ZNF440: variants seen among roughly 807,000 people sequenced by gnomAD.
ZNF440 encodes zinc finger protein 440.
ZNF440 carries 47 observed loss-of-function variants against 49.7 expected under a neutral mutation model. The ratio of observed to expected loss-of-function variants is 0.95; its 90% CI spans 0.75 to 1.21. The LOEUF is 1.21. Among genes scored for constraint, ZNF440 ranks in the 50% most tolerant of loss-of-function variants. The pLI is 0.00. For missense variants in ZNF440, 703 were observed against 715.0 expected (o/e 0.98, Z 0.19); for synonymous variants, 255 against 237.7 (o/e 1.07, Z -0.67).
intron 1 of ZNF440, among the ~76,000 whole-genome samples, chr19:11,827,252 C>T (rs1436474760): frequency 1.5e-5 from 2 of 134,730 alleles, no homozygotes; most frequent in South Asian, 2.2e-4. Flanking sequence ...TTACTAGAGA[C>T]GGGGTTTCAC....
Position 11,834,127 on chromosome 19 carries a change from T to C in ZNF440, c.*1163T>C. ...TTTTTATCTCAACCTTAATTTTTCT[T>C]TCTTTTTTTTTTTCCCCCAGAAAGA... On this transcript the variant is annotated 3_prime_UTR_variant, in exon 4 of 4. Transcript: ENST00000304060. 3.4e-6 allele frequency: 1 copy of C among 294,888 alleles called. No individual in the cohort carries two copies. Among genetic ancestry groups the C allele is most frequent in the South Asian group, 1.6e-4 (1 of 6,266 alleles). 18.3% of individuals were successfully genotyped at this position (294,888 alleles called of 1,614,324 possible). A position where few individuals can be genotyped will look rare whatever the true frequency, so the allele number is the denominator to read the frequency against.
chr19:11,827,951 C>T (rs1207938232), intron 1 of ZNF440, among the ~76,000 whole-genome samples: 3 of 152,042 alleles, frequency 2.0e-5, no homozygotes, highest in Non-Finnish European at 2.9e-5. Flanking sequence ...CTTATGGAAT[C>T]TTCTCTTATA....
Position 11,833,037 on chromosome 19 carries a change from T to C in ZNF440, c.*73T>C, listed in dbSNP as rs3745669. On this transcript the variant is annotated 3_prime_UTR_variant, in exon 4 of 4. Coordinates refer to ENST00000304060, the MANE Select transcript of ZNF440 (RefSeq NM_152357.3). ...TTTTATTCTGCCAAGTCATTTCAAA[T>C]ACATGAAAAATCTTACACTGGAGAG... The C allele has an allele frequency of 0.34, 548,437 of 1,592,384 alleles. 97,385 individuals carry two copies. The highest frequency in any genetic ancestry group is 0.37 in the Non-Finnish European group (435,153 of 1,171,384).
At position 11,814,341 on chromosome 19, in the gene ZNF440, G is replaced by C. The variant is rs144244526; in HGVS notation, c.-107G>C. ...ATCTCGGCTTTCTTGCTTCGAGAGG[G>C]ACTAGGTGCCTCCACCAGAGCTTCT... On this transcript the variant is annotated 5_prime_UTR_variant, in exon 1 of 4. Transcript: ENST00000304060. 1.5e-6 allele frequency: 2 copies of C among 1,310,138 alleles called. No individual in the cohort carries two copies. The highest frequency in any genetic ancestry group is 3.1e-5 in the African/African-American group (2 of 64,806). 81.2% of individuals were successfully genotyped at this position (1,310,138 alleles called of 1,614,324 possible).
chr19:11,821,346 C>T (rs966363250), intron 1 of ZNF440, among the ~76,000 whole-genome samples: 8 of 152,268 alleles, frequency 5.3e-5, no homozygotes, highest in African/African-American at 1.4e-4. Context: ...TCCTAGTATA[C>T]TCTGCATCTA....
At chr19:11,819,153 A>G (rs1975768372) in intron 1 of ZNF440, among the ~76,000 whole-genome samples, 1 of 152,140 alleles carries the variant, frequency 6.6e-6, no homozygotes, top group Admixed American at 6.6e-5. Context: ...CATCTCAATT[A>G]TGAAAAATCA....
At chr19:11,818,902 A>G (rs937421814) in intron 1 of ZNF440, among the ~76,000 whole-genome samples, 3 of 152,030 alleles carry the variant, frequency 2.0e-5, no homozygotes, top group African/African-American at 7.2e-5. Context: ...GCTCGTTTTT[A>G]TTTCCTTTTC....
intron 1 of ZNF440, 21 bp from the exon 2 acceptor site, chr19:11,830,262 T>C: frequency 6.2e-7 from 1 of 1,613,948 alleles, no homozygotes; most frequent in Non-Finnish European, 8.5e-7. Flanking sequence ...CATCTTCTTC[T>C]ACACATGTGA....
Position 11,831,524 on chromosome 19 carries a change from A to G in ZNF440, c.348A>G (p.Leu116=). 1.2e-6 allele frequency: 2 copies of G among 1,614,080 alleles called. No homozygotes were observed. Among genetic ancestry groups the G allele is most frequent in the South Asian group, 2.2e-5 (2 of 91,078 alleles). ...GCTTTGTGTGTGGAGAAGTTGGCCT[A>G]GGTAACTCATCTTTTAATATGAACA... ...CESFVCGEVG[L]GNSSFNMNIR... The change falls in exon 4 of 4, where the codon CTA becomes CTG. Residue 116 remains leucine, a synonymous_variant. Coordinates refer to ENST00000304060, the MANE Select transcript of ZNF440 (RefSeq NM_152357.3).
intron 1 of ZNF440, among the ~76,000 whole-genome samples, chr19:11,819,126 A>G (rs1343628108): frequency 6.6e-6 from 1 of 152,126 alleles, no homozygotes; most frequent in Non-Finnish European, 1.5e-5. Context: ...TGGGCAACAT[A>G]GTGAGACCCT....
Position 11,832,709 on chromosome 19 carries a change from G to T in ZNF440, c.1533G>T (p.Glu511Asp). The change falls in exon 4 of 4, where the codon GAG becomes GAT. Residue 511 changes from glutamate to aspartate, a missense_variant. By Grantham distance (45) the Glu-to-Asp change is conservative (BLOSUM62 2). Coordinates refer to ENST00000304060, the MANE Select transcript of ZNF440 (RefSeq NM_152357.3). ...PFDIMKGLTL[E>D]RSPINASNVG... ...ATATCATGAAAGGACTCACACTGGA[G>T]AGAAGCCCTATAAATGCGAGCAATG... 6.2e-7 allele frequency: 1 copy of T among 1,613,980 alleles called. No homozygotes were observed. Among genetic ancestry groups the T allele is most frequent in the Non-Finnish European group, 8.5e-7 (1 of 1,180,004 alleles).
intron 3 of ZNF440, 142 bp downstream of exon 3, chr19:11,830,819 G>A (rs770003345): frequency 2.0e-5 from 23 of 1,160,848 alleles, no homozygotes; most frequent in African/African-American, 6.3e-5. Flanking sequence ...AAACATATAT[G>A]TAAATGTGAC....
Position 11,832,891 on chromosome 19 carries a change from A to ATG in ZNF440, c.1717_1718dup (p.Arg574Ter), listed in dbSNP as rs1417763315. 106 of 1,612,568 alleles carry ATG rather than the reference A, an allele frequency of 6.6e-5. No individual in the cohort carries two copies. The highest frequency in any genetic ancestry group is 1.6e-4 in the Middle Eastern group (1 of 6,074). Reference sequence around the variant, plus strand: ...CACACAATGGAGAGAAGCCCTATGCATGTAAGGAATGTGGGAAACCCTTCG... The same window carrying ATG: ...CACACAATGGAGAGAAGCCCTATGCATGTGTAAGGAATGTGGGAAACCCTTCG... On this transcript the variant is annotated frameshift_variant, in exon 4 of 4. Coordinates refer to ENST00000304060, the MANE Select transcript of ZNF440 (RefSeq NM_152357.3). LOFTEE classifies it high-confidence loss of function.
At position 11,833,117 on chromosome 19, in the gene ZNF440, C is replaced by G; in HGVS notation, c.*153C>G. ...AGCCTTTGTTTCCTTCACTTCCTTTCGATATCATGAAAGGACTCACACTGG... is the reference window on the plus strand; with the variant it reads ...AGCCTTTGTTTCCTTCACTTCCTTTGGATATCATGAAAGGACTCACACTGG... On this transcript the variant is annotated 3_prime_UTR_variant, in exon 4 of 4. Coordinates refer to ENST00000304060, the MANE Select transcript of ZNF440 (RefSeq NM_152357.3). The G allele has an allele frequency of 7.2e-7, 1 of 1,379,816 alleles. No individual in the cohort carries two copies. The highest frequency in any genetic ancestry group is 1.0e-6 in the Non-Finnish European group (1 of 986,252). The allele number at this position is 1,379,816 out of a possible 1,614,324, so 85.5% of individuals were successfully genotyped here.
chr19:11,825,602 C>T (rs1036624617), intron 1 of ZNF440, among the ~76,000 whole-genome samples: 3 of 152,082 alleles, frequency 2.0e-5, no homozygotes, highest in Non-Finnish European at 4.4e-5. Context: ...TAAAAATATG[C>T]TTTGAAGGTC....
intron 1 of ZNF440, among the ~76,000 whole-genome samples, chr19:11,825,505 T>C (rs1305607303): frequency 6.6e-6 from 1 of 152,218 alleles, no homozygotes; most frequent in Non-Finnish European, 1.5e-5. Context: ...ATGATGATGT[T>C]CCTGCCTCTA....
intron 1 of ZNF440, among the ~76,000 whole-genome samples, chr19:11,818,505 T>A (rs1975759987): frequency 6.6e-6 from 1 of 152,150 alleles, no homozygotes; most frequent in Non-Finnish European, 1.5e-5. Flanking sequence ...ATAACAGGAT[T>A]ACATTTTCCA....
intron 1 of ZNF440, among the ~76,000 whole-genome samples, chr19:11,828,326 G>C (rs1326048212): frequency 6.6e-6 from 1 of 150,802 alleles, no homozygotes; most frequent in Non-Finnish European, 1.5e-5. Flanking sequence ...AAGTGACTGG[G>C]ACTACATGTG....
rs1247417885 is a variant in ZNF440 at position 11,832,023 on chromosome 19, G to A, written c.847G>A (p.Ala283Thr). 2 of 1,614,020 alleles carry A rather than the reference G, an allele frequency of 1.2e-6. No individual in the cohort carries two copies. Among genetic ancestry groups the A allele is most frequent in the East Asian group, 2.2e-5 (1 of 44,854 alleles). The change falls in exon 4 of 4, where the codon GCT (alanine) becomes ACT (threonine). Residue 283 changes from alanine (A) to threonine (T), a missense_variant. Coordinates refer to ENST00000304060, the MANE Select transcript of ZNF440 (RefSeq NM_152357.3). ...TGAAAGGATTCACATGGGAGAAAAG[G>A]CTTATCAATGTAAGGAATGTGGAAA... ...RHERIHMGEK[A>T]YQCKECGKAF...
Sources: gnomAD v4.1 joint callset for allele counts (sites outside exome capture counted in the v4.1 genomes callset) on GRCh38, gnomAD v4.1.1 for gene constraint, MANE v1.5 for transcripts, NCBI Gene and HGNC (gene_info 2026-07-23, HGNC 2026-07-21) for gene names.